Variants in DEPTOR observed in about 807,000 individuals in gnomAD.
The protein encoded by DEPTOR is DEP domain containing MTOR interacting protein, also known as DEP domain-containing mTOR-interacting protein.
DEPTOR carries 41 observed loss-of-function variants against 41.6 expected under a neutral mutation model. The ratio of observed to expected loss-of-function variants is 0.98; its 90% CI spans 0.77 to 1.28. The LOEUF (loss-of-function observed/expected upper bound fraction) is 1.28. Among genes scored for constraint, DEPTOR ranks in the 50% most tolerant of loss-of-function variants. The pLI is 0.00. For missense variants in DEPTOR, 514 were observed against 527.9 expected (o/e 0.97, Z 0.26); for synonymous variants, 195 against 192.3 (o/e 1.01, Z -0.12).
chr8:120,007,537 C>T (rs989456080), intron 7 of DEPTOR, among the ~76,000 whole-genome samples: 1 of 152,160 alleles, frequency 6.6e-6, no homozygotes, highest in African/African-American at 2.4e-5. Context: ...CTCTTTTCAG[C>T]ATCACCGCAC....
chr8:120,002,791 A>AAAAAAATATAT, intron 5 of DEPTOR, among the ~76,000 whole-genome samples, 186 bp from the exon 6 acceptor site: 14 of 60,674 alleles, frequency 2.3e-4, no homozygotes, highest in African/African-American at 9.9e-4. Flanking sequence ...AAAAAAAAAA[A>AAAAAAATATAT]ATATATATAT....
At chr8:119,886,805 ACT>A (rs148151005) in intron 1 of DEPTOR, among the ~76,000 whole-genome samples, 2,826 of 152,186 alleles carry the variant, frequency 0.019, 86 homozygotes, top group African/African-American at 0.063. Context: ...ATAATAGACA[ACT>A]ATATTTCAGC....
At chr8:119,928,857 C>A (rs1828003900) in intron 2 of DEPTOR, among the ~76,000 whole-genome samples, 1 of 151,266 alleles carries the variant, frequency 6.6e-6, no homozygotes, top group Non-Finnish European at 1.5e-5. Context: ...CCCCAAAGTG[C>A]TGGGATTACA....
At chr8:120,004,835 AT>A (rs140964200) in intron 6 of DEPTOR, among the ~76,000 whole-genome samples, 4 of 151,166 alleles carry the variant, frequency 2.6e-5, no homozygotes, top group East Asian at 2.0e-4. Flanking sequence ...TTCATCTGTG[AT>A]TTTTTTTTCT....
At chr8:120,018,448 A>G (rs1812645323) in intron 8 of DEPTOR, among the ~76,000 whole-genome samples, 1 of 152,128 alleles carries the variant, frequency 6.6e-6, no homozygotes, top group African/African-American at 2.4e-5. Context: ...GCCTGGTAAC[A>G]CATGCCCACA....
At chr8:119,987,835 C>T (rs1280049078) in intron 4 of DEPTOR, among the ~76,000 whole-genome samples, 1 of 152,176 alleles carries the variant, frequency 6.6e-6, no homozygotes, top group Non-Finnish European at 1.5e-5. Context: ...AAACCACCTA[C>T]TCAAGCCTCA....
intron 3 of DEPTOR, among the ~76,000 whole-genome samples, chr8:119,947,132 G>A (rs532585484): frequency 1.6e-4 from 25 of 152,286 alleles, no homozygotes; most frequent in African/African-American, 4.6e-4. Context: ...TGTACAAGAA[G>A]CAGCTCAGGA....
intron 1 of DEPTOR, among the ~76,000 whole-genome samples, chr8:119,889,793 T>C (rs1206537697): frequency 6.6e-6 from 1 of 152,020 alleles, no homozygotes; most frequent in African/African-American, 2.4e-5. Flanking sequence ...CAGGCCAGAA[T>C]TGACCCTTTA....
chr8:119,909,839 C>T (rs6469871), intron 1 of DEPTOR, among the ~76,000 whole-genome samples: 75,840 of 152,078 alleles, frequency 0.5, 20,632 homozygotes, highest in East Asian at 0.92. Context: ...AAATGAGATG[C>T]AGTATGTAGA....
At chr8:119,907,644 T>A (rs1427220312) in intron 1 of DEPTOR, among the ~76,000 whole-genome samples, 7 of 152,078 alleles carry the variant, frequency 4.6e-5, no homozygotes, top group Admixed American at 4.6e-4. Flanking sequence ...AATATAAAAA[T>A]TAGCGGGGCG....
Position 120,044,402 on chromosome 8 carries a change from G to A in DEPTOR, c.1102-5174G>A, listed in dbSNP as rs555053292. On this transcript the variant is annotated intron_variant, in intron 8 of 8. Coordinates refer to ENST00000286234, the MANE Select transcript of DEPTOR (RefSeq NM_022783.4). ...GGCTTCCCAAAGTGCTGGGATTACAGGCATGAGCCACCGTGCCTAGCCTGG... is the reference window on the plus strand; with the variant it reads ...GGCTTCCCAAAGTGCTGGGATTACAAGCATGAGCCACCGTGCCTAGCCTGG... Among the ~76,000 whole-genome samples, 49 of 152,242 alleles carry A rather than the reference G, an allele frequency of 3.2e-4. 1 individual carries two copies. In the South Asian group the frequency reaches 9.5e-3, roughly 30 times the overall value.
chr8:119,972,937 TA>T (rs1828652205), intron 4 of DEPTOR, among the ~76,000 whole-genome samples: 1 of 152,092 alleles, frequency 6.6e-6, no homozygotes, highest in South Asian at 2.1e-4. Context: ...GGAAATGGGA[TA>T]AATACCTTTT....
At chr8:119,893,700 C>T (rs977471503) in intron 1 of DEPTOR, among the ~76,000 whole-genome samples, 2 of 151,870 alleles carry the variant, frequency 1.3e-5, no homozygotes, top group Admixed American at 1.3e-4. Context: ...TGGTGGCATG[C>T]GCCTGTAACC....
chr8:119,874,160 C>T (rs1300831026), intron 1 of DEPTOR, 192 bp downstream of exon 1: 7 of 885,452 alleles, frequency 7.9e-6, no homozygotes, highest in Admixed American at 3.6e-5. Context: ...AGGACTCGCT[C>T]GCCAAGCGGG....
At chr8:119,909,773 A>G (rs6469870) in intron 1 of DEPTOR, among the ~76,000 whole-genome samples, 75,822 of 152,174 alleles carry the variant, frequency 0.5, 20,616 homozygotes, top group East Asian at 0.92. Context: ...TCTACAGACA[A>G]GGGTTAATCA....
rs957223731 is a variant in DEPTOR, at chr8:120,049,685, T to C, written c.1211T>C (p.Met404Thr). ...TGPRTIVMEVMEELEC is the reference protein window; with the variant it reads ...TGPRTIVMEVTEELEC ...CCACGGACGATTGTCATGGAAGTCA[T>C]GGAGGAGTTAGAGTGCTGAGCTCCT... The change falls in exon 9 of 9, where the codon ATG becomes ACG. Residue 404 changes from methionine (M) to threonine (T), a missense_variant. Physicochemically the swap from Met to Thr is moderately conservative, Grantham distance 81 (BLOSUM62 -1). Coordinates refer to ENST00000286234, the MANE Select transcript of DEPTOR (RefSeq NM_022783.4). 2 of 1,613,938 alleles carry C rather than the reference T, an allele frequency of 1.2e-6. No homozygotes were observed. The highest frequency in any genetic ancestry group is 1.7e-5 in the Admixed American group (1 of 59,996).
intron 8 of DEPTOR, among the ~76,000 whole-genome samples, chr8:120,047,872 C>T (rs550446290): frequency 1.5e-5 from 2 of 131,580 alleles, no homozygotes; most frequent in Admixed American, 1.4e-4. Context: ...ATGGCGAACC[C>T]CCTCTCTACC....
At chr8:119,970,968 C>T (rs1216986460) in intron 4 of DEPTOR, among the ~76,000 whole-genome samples, 1 of 152,134 alleles carries the variant, frequency 6.6e-6, no homozygotes, top group Non-Finnish European at 1.5e-5. Flanking sequence ...CAGTGGCTCA[C>T]ACCCGTAATC....
At chr8:119,892,678 G>A (rs1056216898) in intron 1 of DEPTOR, among the ~76,000 whole-genome samples, 1 of 152,184 alleles carries the variant, frequency 6.6e-6, no homozygotes. Context: ...CAAGAAGCTG[G>A]GCTTGGAGCC....
Sources: allele counts gnomAD v4.1 joint callset (sites outside exome capture counted in the v4.1 genomes callset), GRCh38; gene constraint gnomAD v4.1.1; transcripts MANE v1.5; gene names NCBI Gene and HGNC (gene_info 2026-07-23, HGNC 2026-07-21).